Variants in UBE3B observed in about 807,000 individuals in gnomAD.
The protein encoded by UBE3B is ubiquitin protein ligase E3B.
Under a neutral mutation model 132.3 loss-of-function variants are expected in UBE3B, and 80 were observed. The ratio of observed to expected loss-of-function variants is 0.60; its 90% CI spans 0.50 to 0.73. UBE3B has a LOEUF of 0.73. Among genes scored for constraint, UBE3B ranks in the 30% least tolerant of loss-of-function variants. The pLI, the probability that UBE3B is intolerant of heterozygous loss-of-function variation, is 0.00. For synonymous variants in UBE3B, 487 were observed against 520.4 expected (o/e 0.94, Z 0.87); for missense variants, 1,196 against 1,362.5 (o/e 0.88, Z 1.92).
chr12:109,490,960 C>A, intron 8 of UBE3B, 85 bp from the exon 9 acceptor site: 2 of 1,398,338 alleles, frequency 1.4e-6, no homozygotes, highest in Non-Finnish European at 9.9e-7. Flanking sequence ...TTATCTGAAG[C>A]ACTCAGTTTA....
In UBE3B at chr12:109,481,673, C is replaced by G. The variant is rs546293625; in HGVS notation, c.-91C>G. 2 of 152,294 alleles carry G rather than the reference C, an allele frequency of 1.3e-5. No homozygotes were observed. Among genetic ancestry groups the G allele is most frequent in the Non-Finnish European group, 2.9e-5 (2 of 68,020 alleles). The allele number at this position is 152,294 out of a possible 1,614,324, so 9.4% of individuals were successfully genotyped here. Reference sequence around the variant, plus strand: ...AGCTTTTCTGAAGTGAGAAGCTGTTCTCAGCCACGAGTCCTGTGCAAGATC... The same window carrying G: ...AGCTTTTCTGAAGTGAGAAGCTGTTGTCAGCCACGAGTCCTGTGCAAGATC... On this transcript the variant is annotated 5_prime_UTR_variant, in exon 2 of 28. Coordinates refer to ENST00000342494, the MANE Select transcript of UBE3B (RefSeq NM_130466.4).
At position 109,521,022 on chromosome 12, in the gene UBE3B, T is replaced by C. The variant is rs1881645011; in HGVS notation, c.2077-126T>C. The C allele has an allele frequency of 4.6e-6, 5 of 1,075,852 alleles. No individual in the cohort carries two copies. The East Asian group carries it at 1.3e-4, about 27-fold the overall frequency. The allele number at this position is 1,075,852 out of a possible 1,614,324, so 66.6% of individuals were successfully genotyped here. A position where few individuals can be genotyped will look rare whatever the true frequency, so the allele number is the denominator to read the frequency against. ...AGGTGAGAACGGCTCCTGTCATGCATCCACGTTTCATAATTTGCACATTTG... is the reference window on the plus strand; with the variant it reads ...AGGTGAGAACGGCTCCTGTCATGCACCCACGTTTCATAATTTGCACATTTG... On this transcript the variant is annotated intron_variant, in intron 19 of 27. Transcript: ENST00000342494. This position sits in a 1 kb window ranked among gnomAD's most constrained non-coding sequence, Gnocchi z 4.2.
rs1875937919 is a variant in UBE3B at position 109,483,996 on chromosome 12, G to A, written c.282+15G>A. On this transcript the variant is annotated intron_variant, in intron 4 of 27. Coordinates refer to ENST00000342494, the MANE Select transcript of UBE3B (RefSeq NM_130466.4). ...AGGATAATGAGGTAAAACGATAATAGCAAACATGTATAATACTTCCATATG... is the reference window on the plus strand; with the variant it reads ...AGGATAATGAGGTAAAACGATAATAACAAACATGTATAATACTTCCATATG... 3 of 1,603,146 alleles carry A rather than the reference G, an allele frequency of 1.9e-6. No individual in the cohort carries two copies. The highest frequency in any genetic ancestry group is 1.1e-5 in the South Asian group (1 of 88,866).
intron 5 of UBE3B, 136 bp downstream of exon 5, chr12:109,486,207 G>A: frequency 1.1e-6 from 1 of 946,548 alleles, no homozygotes. Context: ...CATTACCAAA[G>A]TACAAATGAT....
At position 109,529,878 on chromosome 12, in the gene UBE3B, TG is replaced by T. The variant is rs1566114929; in HGVS notation, c.2628-11del. 1 of 1,613,930 alleles carries T rather than the reference TG, an allele frequency of 6.2e-7. No homozygotes were observed. The highest frequency in any genetic ancestry group is 1.1e-5 in the South Asian group (1 of 91,082). On this transcript the variant is annotated splice_polypyrimidine_tract_variant and intron_variant, in intron 24 of 27. Coordinates refer to ENST00000342494, the MANE Select transcript of UBE3B (RefSeq NM_130466.4). ...TTAATTGTCATTGTTATCTCTTCCT[TG>T]TTGGCAACAGAATTAGCTACATCCA...
At position 109,535,813 on chromosome 12, in the gene UBE3B, G is replaced by GT. The variant is rs961034894; in HGVS notation, c.*1041dup. On this transcript the variant is annotated 3_prime_UTR_variant, in exon 28 of 28. Coordinates refer to ENST00000342494, the MANE Select transcript of UBE3B (RefSeq NM_130466.4). ...GAGGCTCACACCCTCTGGGTTTTTTGTTTTTTTTTTAAACTTCATTTCTCT... is the reference window on the plus strand; with the variant it reads ...GAGGCTCACACCCTCTGGGTTTTTTGTTTTTTTTTTTAAACTTCATTTCTCT... 3.1e-4 allele frequency: 47 copies of GT among 149,294 alleles called. 1 individual carries two copies. In the Middle Eastern group the frequency reaches 0.017, roughly 56 times the overall value. The allele number at this position is 149,294 out of a possible 1,614,324, so 9.2% of individuals were successfully genotyped here.
intron 5 of UBE3B, 75 bp from the exon 6 acceptor site, chr12:109,486,396 C>A: frequency 8.2e-7 from 1 of 1,222,108 alleles, no homozygotes; most frequent in Non-Finnish European, 1.2e-6. Flanking sequence ...CTAATAGGTC[C>A]AGTTCCAACA....
At position 109,509,844 on chromosome 12, in the gene UBE3B, A is replaced by G. The variant is rs1210776865; in HGVS notation, c.1741+130A>G. 4.7e-5 allele frequency: 29 copies of G among 620,542 alleles called. No individual in the cohort carries two copies. The East Asian group carries it at 7.4e-4, about 16-fold the overall frequency. The allele number at this position is 620,542 out of a possible 1,614,324, so 38.4% of individuals were successfully genotyped here. On this transcript the variant is annotated intron_variant, in intron 16 of 27. Transcript: ENST00000342494. The stretch of plus-strand genomic sequence containing the variant: ...ATAGAAGGTGCACATTTATTCCCAC[A>G]ATTGGAAATTTTCTTTCTTCACTCT...
intron 18 of UBE3B, 21 bp from the exon 19 acceptor site, chr12:109,516,744 T>C: frequency 1.9e-6 from 3 of 1,606,566 alleles, no homozygotes; most frequent in Non-Finnish European, 2.6e-6. Context: ...TGTTTTCTGA[T>C]CCCGCCTTTG....
intron 26 of UBE3B, among the ~76,000 whole-genome samples, chr12:109,532,397 T>A (rs1296811964): frequency 1.3e-5 from 2 of 152,194 alleles, no homozygotes; most frequent in African/African-American, 2.4e-5. Flanking sequence ...TTTTTAAAAC[T>A]TTTTTTGATG....
At chr12:109,533,428 G>A (rs756812580) in intron 26 of UBE3B, 38 bp from the exon 27 acceptor site, 3 of 1,571,872 alleles carry the variant, frequency 1.9e-6, no homozygotes, top group East Asian at 2.2e-5. Context: ...AAGAGCAGGA[G>A]CCTGCCCCGT....
chr12:109,511,995 G>A (rs1880426821), intron 18 of UBE3B, among the ~76,000 whole-genome samples: 1 of 152,164 alleles, frequency 6.6e-6, no homozygotes, highest in Non-Finnish European at 1.5e-5. Flanking sequence ...GGTGATGCTC[G>A]GGTGTCTGGC....
downstream of UBE3B, among the ~76,000 whole-genome samples, chr12:109,539,589 C>G (rs1028696199): frequency 1.3e-5 from 2 of 152,224 alleles, no homozygotes; most frequent in Admixed American, 6.5e-5. Flanking sequence ...CCGTGAACCA[C>G]AGAGAAATGG....
At chr12:109,503,409 T>C (rs1260126884) in intron 14 of UBE3B, among the ~76,000 whole-genome samples, 3 of 152,170 alleles carry the variant, frequency 2.0e-5, no homozygotes, top group Non-Finnish European at 2.9e-5. Context: ...TTTGTGACTC[T>C]TACTTTAATT....
At chr12:109,511,700 G>A (rs975366195) in intron 18 of UBE3B, among the ~76,000 whole-genome samples, 4 of 152,178 alleles carry the variant, frequency 2.6e-5, no homozygotes, top group Admixed American at 2.0e-4. Flanking sequence ...AGCCGAGGAG[G>A]GTAGTAGGAA....
intron 26 of UBE3B, among the ~76,000 whole-genome samples, 167 bp downstream of exon 26, chr12:109,530,825 A>C (rs1244668807): frequency 6.6e-6 from 1 of 152,166 alleles, no homozygotes. Flanking sequence ...CAGTAACCAG[A>C]GAGGGGCTTG....
At chr12:109,524,582 CAGAA>C (rs1173947911) in intron 23 of UBE3B, 79 bp downstream of exon 23, 19 of 1,491,438 alleles carry the variant, frequency 1.3e-5, no homozygotes, top group Non-Finnish European at 1.7e-5. Context: ...TTGTTTTCCT[CAGAA>C]AGAGCCCCAA....
At chr12:109,518,655 A>G (rs1483528531) in intron 19 of UBE3B, among the ~76,000 whole-genome samples, 5 of 152,268 alleles carry the variant, frequency 3.3e-5, no homozygotes, top group Non-Finnish European at 7.3e-5. Flanking sequence ...GGTGGTATAG[A>G]TTGCAGTATC....
downstream of UBE3B, among the ~76,000 whole-genome samples, chr12:109,538,790 G>A (rs149779332): frequency 1.2e-4 from 18 of 152,174 alleles, no homozygotes; most frequent in African/African-American, 2.4e-4. The surrounding 1 kb of genome is among the most constrained non-coding windows in gnomAD (Gnocchi z 4.1). Context: ...CCACACTGCC[G>A]CCTCTGAGGA....
Sources: gnomAD v4.1 joint callset for allele counts (sites outside exome capture counted in the v4.1 genomes callset) on GRCh38, gnomAD v4.1.1 for gene constraint, Gnocchi (gnomAD v3.1) non-coding constraint, MANE v1.5 for transcripts, NCBI Gene and HGNC (gene_info 2026-07-23, HGNC 2026-07-21) for gene names.